Variants in PIK3C2G observed in about 807,000 individuals in gnomAD.
The protein encoded by PIK3C2G is phosphatidylinositol 3-kinase C2 domain-containing subunit gamma.
PIK3C2G carries 168 observed loss-of-function variants against 181.1 expected under a neutral mutation model. The observed-to-expected ratio is 0.93, with a 90% CI of 0.82 to 1.05. PIK3C2G has a LOEUF of 1.05. Ranked by LOEUF, PIK3C2G falls within the 50% of genes least tolerant of loss-of-function variation. The pLI is 0.00. For synonymous variants in PIK3C2G, 573 were observed against 592.2 expected (o/e 0.97, Z 0.47); for missense variants, 1,869 against 1,732.8 (o/e 1.08, Z -1.40).
intron 18 of PIK3C2G, among the ~76,000 whole-genome samples, chr12:18,473,926 T>C (rs183811936): frequency 5.0e-4 from 73 of 145,310 alleles, no homozygotes; most frequent in African/African-American, 1.8e-3. Flanking sequence ...GTAATACTTT[T>C]AATTTAGCAG....
chr12:18,554,885 T>C (rs1251831767), intron 26 of PIK3C2G, among the ~76,000 whole-genome samples: 3 of 152,126 alleles, frequency 2.0e-5, no homozygotes, highest in African/African-American at 7.2e-5. Context: ...AGCTGGACAC[T>C]CAGTCAGTAA....
Position 18,567,068 on chromosome 12 carries a change from AT to A in PIK3C2G, c.4011+13del. The A allele has an allele frequency of 8.6e-7, 1 of 1,168,454 alleles. No homozygotes were observed. Among genetic ancestry groups the A allele is most frequent in the Non-Finnish European group, 1.3e-6 (1 of 796,222 alleles). The allele number at this position is 1,168,454 out of a possible 1,614,324, so 72.4% of individuals were successfully genotyped here. ...CATGAAGTTACAAACGTATGTTATA[AT>A]TAATTTTTCTATTTTTACATAAAAC... On this transcript the variant is annotated intron_variant, in intron 29 of 32. Transcript: ENST00000538779.
intron 24 of PIK3C2G, among the ~76,000 whole-genome samples, chr12:18,514,674 T>A (rs1942421937): frequency 6.6e-6 from 1 of 151,928 alleles, no homozygotes; most frequent in Non-Finnish European, 1.5e-5. Flanking sequence ...TAAATGATCA[T>A]GTCATCTGCA....
At chr12:18,710,052 T>A in the PIK3C2G span, among the ~76,000 whole-genome samples, 1 of 151,886 alleles carries the variant, frequency 6.6e-6, no homozygotes, top group South Asian at 2.1e-4. Context: ...ACAGGGTTTT[T>A]TGTGTGGAAT....
chr12:18,695,017 T>C, the PIK3C2G span: 1 of 1,612,670 alleles, frequency 6.2e-7, no homozygotes, highest in Admixed American at 1.7e-5. Context: ...GAACCACCAT[T>C]ATCCAAAAAT....
intron 18 of PIK3C2G, among the ~76,000 whole-genome samples, chr12:18,469,078 T>C (rs1178041199): frequency 6.6e-6 from 1 of 152,114 alleles, no homozygotes; most frequent in Non-Finnish European, 1.5e-5. Context: ...CATTCCTTGA[T>C]CATATACCCA....
chr12:18,630,402 TAAAC>T (rs1365878662), intron 31 of PIK3C2G, among the ~76,000 whole-genome samples: 1 of 151,686 alleles, frequency 6.6e-6, no homozygotes, highest in Non-Finnish European at 1.5e-5. Context: ...AAAAACAAAA[TAAAC>T]AAAAACAAAA....
At chr12:18,392,335 C>T (rs1943587287) in intron 15 of PIK3C2G, among the ~76,000 whole-genome samples, 1 of 152,114 alleles carries the variant, frequency 6.6e-6, no homozygotes, top group Admixed American at 6.5e-5. Context: ...CATACTAGGG[C>T]ACTGAGTGCG....
intron 18 of PIK3C2G, among the ~76,000 whole-genome samples, chr12:18,436,003 A>G (rs1018284647): frequency 6.6e-6 from 1 of 152,034 alleles, no homozygotes; most frequent in African/African-American, 2.4e-5. Flanking sequence ...CTGGTTTACA[A>G]TTATATGAAG....
At chr12:18,318,288 G>GT (rs1466171354) in intron 6 of PIK3C2G, among the ~76,000 whole-genome samples, 1 of 152,032 alleles carries the variant, frequency 6.6e-6, no homozygotes, top group African/African-American at 2.4e-5. Context: ...TGGTTTTGAG[G>GT]TAAGCTTTAT....
intron 12 of PIK3C2G, among the ~76,000 whole-genome samples, chr12:18,366,287 G>A (rs1053962773): frequency 7.2e-5 from 11 of 152,122 alleles, no homozygotes; most frequent in African/African-American, 2.7e-4. Context: ...TCACTCCTGT[G>A]ATCCCAGCAC....
chr12:18,287,682 C>T (rs140596671), intron 3 of PIK3C2G, among the ~76,000 whole-genome samples: 346 of 149,538 alleles, frequency 2.3e-3, no homozygotes, highest in African/African-American at 8.4e-3. Context: ...GTGGTGAGAC[C>T]CTGTCTCTAC....
At chr12:18,274,554 C>CA (rs915084393) in intron 1 of PIK3C2G, among the ~76,000 whole-genome samples, 30 of 151,820 alleles carry the variant, frequency 2.0e-4, no homozygotes, top group African/African-American at 6.8e-4. Flanking sequence ...ATCGCAAGGA[C>CA]AAAAAACCAA....
intron 18 of PIK3C2G, among the ~76,000 whole-genome samples, chr12:18,460,488 C>T (rs979376877): frequency 4.6e-5 from 7 of 151,778 alleles, no homozygotes; most frequent in African/African-American, 1.7e-4. Context: ...ACAGGAGAGT[C>T]GCTTGAACCC....
intron 21 of PIK3C2G, among the ~76,000 whole-genome samples, chr12:18,497,368 A>G (rs1174624932): frequency 1.3e-5 from 2 of 152,214 alleles, no homozygotes; most frequent in East Asian, 3.8e-4. Flanking sequence ...ATTATTATCA[A>G]GGAACAACAT....
chr12:18,701,452 T>C, the PIK3C2G span: 1 of 1,610,662 alleles, frequency 6.2e-7, no homozygotes, highest in Non-Finnish European at 8.5e-7. Context: ...AGAATAAAAT[T>C]AGAAAACTTT....
intron 11 of PIK3C2G, among the ~76,000 whole-genome samples, chr12:18,351,691 G>A (rs1940229355): frequency 6.6e-6 from 1 of 152,072 alleles, no homozygotes; most frequent in African/African-American, 2.4e-5. Context: ...ACATAAAATG[G>A]CATAGTATTT....
chr12:18,593,340 A>G (rs1424424758), intron 29 of PIK3C2G, among the ~76,000 whole-genome samples: 1 of 151,868 alleles, frequency 6.6e-6, no homozygotes, highest in South Asian at 2.1e-4. Context: ...TTGTAAGCGG[A>G]TGGAAAGCTG....
chr12:18,591,589 G>A (rs1947083556), intron 29 of PIK3C2G, among the ~76,000 whole-genome samples: 1 of 151,788 alleles, frequency 6.6e-6, no homozygotes, highest in African/African-American at 2.4e-5. Flanking sequence ...ATTCAGCAAA[G>A]GTAAGCATTA....
Sources: allele counts gnomAD v4.1 joint callset (sites outside exome capture counted in the v4.1 genomes callset), GRCh38; gene constraint gnomAD v4.1.1; transcripts MANE v1.5; gene names NCBI Gene and HGNC (gene_info 2026-07-23, HGNC 2026-07-21).